NEURL1: variants seen among roughly 807,000 people sequenced by gnomAD.
The protein encoded by NEURL1 is E3 ubiquitin-protein ligase NEURL1.
A neutral mutation model predicts 41.2 loss-of-function variants in NEURL1; 26 were observed. The observed-to-expected ratio is 0.63, with a 90% CI of 0.46 to 0.87. The LOEUF (loss-of-function observed/expected upper bound fraction) is 0.87, where lower values mean the gene tolerates loss of function less well. NEURL1 is among the 40% of genes least tolerant of loss of function. The pLI is 0.00. For synonymous variants in NEURL1, 400 were observed against 402.3 expected, an observed-to-expected ratio of 0.99 and a Z score of 0.07; for missense variants, 761 against 871.1, an observed-to-expected ratio of 0.87 and a Z score of 1.59.
intron 1 of NEURL1, among the ~76,000 whole-genome samples, chr10:103,504,274 A>AGC (rs947454703): frequency 6.6e-6 from 1 of 151,972 alleles, no homozygotes; most frequent in Non-Finnish European, 1.5e-5. Flanking sequence ...TACAGGCGGG[A>AGC]GCCACTGTGC....
intron 1 of NEURL1, among the ~76,000 whole-genome samples, chr10:103,542,787 G>T (rs2034846801): frequency 6.6e-6 from 1 of 152,198 alleles, no homozygotes; most frequent in Admixed American, 6.5e-5. Context: ...TTCCTGGGAA[G>T]ACTGAAACAG....
At chr10:103,588,235 G>C (rs896304047) in intron 4 of NEURL1, among the ~76,000 whole-genome samples, 1 of 151,758 alleles carries the variant, frequency 6.6e-6, no homozygotes, top group Non-Finnish European at 1.5e-5. Flanking sequence ...GAACCCGGGA[G>C]GTGGAGCTTG....
rs2033623587 is a variant in NEURL1 at position 103,494,202 on chromosome 10, CCCG to C, written c.-183_-181del. ...GCCAGGACACCCGTGGCGGGCGGAA[CCCG>C]CCAAGGACCGCGAAGTCCAGAGAAA... On this transcript the variant is annotated 5_prime_UTR_variant, in exon 1 of 6. Transcript: ENST00000369780. 2.0e-6 allele frequency: 1 copy of C among 512,184 alleles called. No homozygotes were observed. The highest frequency in any genetic ancestry group is 3.4e-6 in the Non-Finnish European group (1 of 293,840). The allele number at this position is 512,184 out of a possible 1,614,324, so 31.7% of individuals were successfully genotyped here.
At chr10:103,500,309 C>G (rs1287060426) in intron 1 of NEURL1, among the ~76,000 whole-genome samples, 5 of 152,208 alleles carry the variant, frequency 3.3e-5, no homozygotes, top group African/African-American at 1.2e-4. Flanking sequence ...TCCCAACAAC[C>G]TACAGAAGGA....
At chr10:103,505,245 A>C (rs1235755796) in intron 1 of NEURL1, among the ~76,000 whole-genome samples, 1 of 144,100 alleles carries the variant, frequency 6.9e-6, no homozygotes, top group African/African-American at 2.6e-5. Flanking sequence ...TTTTTGGTAG[A>C]CGGAGTCTTG....
rs765968193 is a variant in NEURL1 at position 103,556,257 on chromosome 10, C to T, written c.86-14615C>T. Reference sequence around the variant, plus strand: ...AGCTCTAGTACTGTGGTCTTGGGAGCGCCATGGCCGATGTGGCAGCAGACC... The same window carrying T: ...AGCTCTAGTACTGTGGTCTTGGGAGTGCCATGGCCGATGTGGCAGCAGACC... On this transcript the variant is annotated intron_variant, in intron 1 of 5. Transcript: ENST00000369780. The surrounding 1 kb of genome is among the most constrained non-coding windows in gnomAD (Gnocchi z 4.4). 4.6e-5 allele frequency among the ~76,000 whole-genome samples: 7 copies of T among 152,174 alleles called. No individual in the cohort carries two copies. The highest frequency in any genetic ancestry group is 7.4e-5 in the Non-Finnish European group (5 of 68,018).
chr10:103,516,327 A>G (rs533257949), intron 1 of NEURL1, among the ~76,000 whole-genome samples: 3 of 151,300 alleles, frequency 2.0e-5, no homozygotes, highest in South Asian at 2.1e-4. Context: ...ATAATCCAAG[A>G]TTATTCCTGG....
At chr10:103,516,433 C>T (rs2034208850) in intron 1 of NEURL1, among the ~76,000 whole-genome samples, 1 of 150,744 alleles carries the variant, frequency 6.6e-6, no homozygotes, top group African/African-American at 2.4e-5. Context: ...TGAGTTTTGG[C>T]CAGGGTGTGT....
At chr10:103,573,001 T>C (rs2035582413) in intron 3 of NEURL1, among the ~76,000 whole-genome samples, 1 of 152,078 alleles carries the variant, frequency 6.6e-6, no homozygotes, top group Non-Finnish European at 1.5e-5. Context: ...CCTTTTTTTT[T>C]TTTCCCTTTC....
rs879054380 is a variant in NEURL1, at chr10:103,556,265, C to T, written c.86-14607C>T. Among the ~76,000 whole-genome samples, 1 of 152,214 alleles carries T rather than the reference C, an allele frequency of 6.6e-6. No homozygotes were observed. The highest frequency in any genetic ancestry group is 2.4e-5 in the African/African-American group (1 of 41,462). Reference sequence around the variant, plus strand: ...TACTGTGGTCTTGGGAGCGCCATGGCCGATGTGGCAGCAGACCCGGAGAAG... The same window carrying T: ...TACTGTGGTCTTGGGAGCGCCATGGTCGATGTGGCAGCAGACCCGGAGAAG... On this transcript the variant is annotated intron_variant, in intron 1 of 5. Transcript: ENST00000369780. This position sits in a 1 kb window ranked among gnomAD's most constrained non-coding sequence, Gnocchi z 4.4.
chr10:103,524,731 C>A (rs2034426043), intron 1 of NEURL1, among the ~76,000 whole-genome samples: 1 of 152,098 alleles, frequency 6.6e-6, no homozygotes, highest in South Asian at 2.1e-4. Context: ...TTCTTGTCAC[C>A]TTTATTGAAA....
Position 103,589,643 on chromosome 10 carries a change from T to G in NEURL1, c.1469T>G (p.Leu490Arg). 6.2e-7 allele frequency: 1 copy of G among 1,610,950 alleles called. No individual in the cohort carries two copies. The highest frequency in any genetic ancestry group is 2.2e-5 in the East Asian group (1 of 44,820). The part of the protein sequence containing the change: ...PLLSTCSSGP[L>R]GSSAGGTAPN... ...CTCAGCACGTGCAGCTCTGGCCCTC[T>G]GGGTAGCTCTGCTGGTGGTAAGTAG... is the stretch of plus-strand genomic sequence containing the variant. The change falls in exon 5 of 6, where the codon CTG (leucine) becomes CGG (arginine). Residue 490 changes from leucine (L) to arginine (R), a missense_variant. This residue lies in a region of NEURL1 where 443 missense variants were observed against 408.1 expected (regional missense o/e 1.09). Coordinates refer to ENST00000369780, the MANE Select transcript of NEURL1 (RefSeq NM_004210.5).
chr10:103,520,258 T>C (rs752328032), intron 1 of NEURL1, among the ~76,000 whole-genome samples: 2 of 152,078 alleles, frequency 1.3e-5, no homozygotes, highest in African/African-American at 2.4e-5. Context: ...GTGTGAGCAA[T>C]AAAGCTGTAT....
intron 1 of NEURL1, among the ~76,000 whole-genome samples, chr10:103,498,234 T>A (rs1279005279): frequency 1.3e-5 from 2 of 152,220 alleles, no homozygotes; most frequent in East Asian, 3.8e-4. Context: ...CCTCCTTTTA[T>A]TTTTTATTTT....
chr10:103,499,436 C>T (rs1469118725), intron 1 of NEURL1, among the ~76,000 whole-genome samples: 1 of 150,330 alleles, frequency 6.7e-6, no homozygotes, highest in African/African-American at 2.4e-5. Flanking sequence ...CTTCTTCCCT[C>T]CTTCCTTCCT....
In NEURL1 at chr10:103,554,092, G is replaced by C. The variant is rs563381702; in HGVS notation, c.86-16780G>C. Among the ~76,000 whole-genome samples the C allele has an allele frequency of 1.3e-3, 196 of 152,346 alleles. 1 individual carries two copies. The highest frequency in any genetic ancestry group is 3.4e-3 in the African/African-American group (140 of 41,584). ...CCACCCACACAGTTCCTGGTGCACG[G>C]TGCATGCTCATTGCATGGCAGCTGC... On this transcript the variant is annotated intron_variant, in intron 1 of 5. Coordinates refer to ENST00000369780, the MANE Select transcript of NEURL1 (RefSeq NM_004210.5).
chr10:103,590,070 T>C lies in NEURL1; in HGVS notation c.1487-64T>C, dbSNP rs893398067. The stretch of plus-strand genomic sequence containing the variant: ...GGACACAAGAGGCCGGGGAGCTCTC[T>C]TCCCGTGAATCCAGCGCCGGGTTGG... On this transcript the variant is annotated intron_variant, in intron 5 of 5. Coordinates refer to ENST00000369780, the MANE Select transcript of NEURL1 (RefSeq NM_004210.5). The C allele has an allele frequency of 6.0e-5, 91 of 1,510,932 alleles. 1 individual carries two copies. The South Asian group carries it at 9.9e-4, about 16-fold the overall frequency. 93.6% of individuals were successfully genotyped at this position (1,510,932 alleles called of 1,614,324 possible).
At chr10:103,513,216 T>G (rs2034115375) in intron 1 of NEURL1, among the ~76,000 whole-genome samples, 1 of 152,208 alleles carries the variant, frequency 6.6e-6, no homozygotes, top group South Asian at 2.1e-4. Context: ...GGCCTCTCCC[T>G]TGCCCCAGTG....
At chr10:103,494,721 T>C (rs904130875) in intron 1 of NEURL1, 2 of 519,236 alleles carry the variant, frequency 3.9e-6, no homozygotes, top group Non-Finnish European at 3.4e-6. Flanking sequence ...CCTCAGGCCA[T>C]GGTCTTAGGC....
Sources: gnomAD v4.1 joint callset for allele counts (sites outside exome capture counted in the v4.1 genomes callset) on GRCh38, gnomAD v4.1.1 for gene constraint, gnomAD v4.1.1 regional missense constraint, Gnocchi (gnomAD v3.1) non-coding constraint, MANE v1.5 for transcripts, NCBI Gene and HGNC (gene_info 2026-07-23, HGNC 2026-07-21) for gene names.